HS3ST1: variants seen among roughly 807,000 people sequenced by gnomAD.
HS3ST1 encodes heparan sulfate-glucosamine 3-sulfotransferase 1, also known as heparan sulfate glucosamine 3-O-sulfotransferase 1.
In HS3ST1, 8 loss-of-function variants were observed where a neutral mutation model predicts 20.7. That is an observed-to-expected ratio of 0.39 (90% confidence interval 0.23 to 0.70). The LOEUF is 0.70. HS3ST1 is among the 30% of genes least tolerant of loss of function. The pLI is 0.46. For missense variants in HS3ST1, 436 were observed against 423.4 expected (o/e 1.03, Z -0.26); for synonymous variants, 205 against 190.4 (o/e 1.08, Z -0.63).
At chr4:11,400,697 C>T (rs1718299415) in intron 1 of HS3ST1, among the ~76,000 whole-genome samples, 1 of 152,226 alleles carries the variant, frequency 6.6e-6, no homozygotes, top group South Asian at 2.1e-4. Flanking sequence ...ACTCTTCCAG[C>T]CAGGGGCTCC....
At chr4:11,422,437 G>T (rs934984539) in intron 1 of HS3ST1, among the ~76,000 whole-genome samples, 1 of 152,160 alleles carries the variant, frequency 6.6e-6, no homozygotes, top group Non-Finnish European at 1.5e-5. Flanking sequence ...GGTGACTCCA[G>T]ATAAACATAC....
intron 1 of HS3ST1, among the ~76,000 whole-genome samples, chr4:11,409,060 A>T (rs1718545027): frequency 6.6e-6 from 1 of 152,216 alleles, no homozygotes. Flanking sequence ...TTTTGCAGAT[A>T]GACAAACTGA....
chr4:11,409,854 C>T (rs1157211135), intron 1 of HS3ST1, among the ~76,000 whole-genome samples: 1 of 152,116 alleles, frequency 6.6e-6, no homozygotes, highest in Non-Finnish European at 1.5e-5. Flanking sequence ...GAGACGGTGG[C>T]AATCAGCTGT....
chr4:11,411,145 A>C (rs1228502065), intron 1 of HS3ST1, among the ~76,000 whole-genome samples: 1 of 152,182 alleles, frequency 6.6e-6, no homozygotes, highest in Non-Finnish European at 1.5e-5. Flanking sequence ...CATTTAAGAG[A>C]GTGCTTAGTA....
In HS3ST1 at chr4:11,399,654, C is replaced by T; in HGVS notation, c.352G>A (p.Glu118Lys). 2 of 1,613,962 alleles carry T rather than the reference C, an allele frequency of 1.2e-6. No individual in the cohort carries two copies. The highest frequency in any genetic ancestry group is 1.7e-6 in the Non-Finnish European group (2 of 1,180,038). ...PFSWPHQLTVEKTPAYFTSPK... is the reference protein window; with the variant it reads ...PFSWPHQLTVKKTPAYFTSPK... ...GACGTGAAATACGCGGGGGTCTTCT[C>T]CACTGTGAGCTGGTGTGGCCAGGAG... The change falls in exon 2 of 2, where the codon GAG (glutamate) becomes AAG (lysine). Residue 118 changes from glutamate to lysine, a missense_variant. Physicochemically the swap from Glu to Lys is moderately conservative, Grantham distance 56 (BLOSUM62 1). Transcript: ENST00000002596. The surrounding 1 kb of genome is among the most constrained non-coding windows in gnomAD (Gnocchi z 5.1).
intron 1 of HS3ST1, among the ~76,000 whole-genome samples, chr4:11,400,884 A>C (rs4305508): frequency 0.95 from 145,446 of 152,332 alleles, 69,474 homozygotes; most frequent in Admixed American, 0.97. Context: ...CTCTTTCACT[A>C]TTGGCTTTGC....
chr4:11,425,184 A>G (rs980560830), intron 1 of HS3ST1, among the ~76,000 whole-genome samples: 1 of 152,204 alleles, frequency 6.6e-6, no homozygotes, highest in Non-Finnish European at 1.5e-5. Flanking sequence ...TCTAAGTGCC[A>G]GGCAGGCACT....
intron 1 of HS3ST1, among the ~76,000 whole-genome samples, chr4:11,408,621 T>C (rs1349001029): frequency 6.6e-6 from 1 of 152,208 alleles, no homozygotes; most frequent in Non-Finnish European, 1.5e-5. Context: ...TCAACATGTT[T>C]AATCTGCATT....
chr4:11,407,610 A>G (rs1451942405), intron 1 of HS3ST1, among the ~76,000 whole-genome samples: 2 of 152,150 alleles, frequency 1.3e-5, no homozygotes, highest in African/African-American at 2.4e-5. Context: ...AACCCACACA[A>G]CATTATTGTC....
rs762292381 is a variant in HS3ST1 at position 11,399,596 on chromosome 4, T to A, written c.410A>T (p.Asn137Ile). ...PKVPERVYSM[N>I]PSIRLLLILR... ...GATGAGCAGCAGCCGGATGGACGGG[T>A]TCATGCTGTAGACTCGCTCAGGCAC... Residue 137 changes from asparagine (N) to isoleucine (I), a missense_variant, in exon 2 of 2, where the codon AAC (asparagine) becomes ATC (isoleucine). By Grantham distance (149) the Asn-to-Ile change is moderately radical. Transcript: ENST00000002596. This position sits in a 1 kb window ranked among gnomAD's most constrained non-coding sequence, Gnocchi z 5.1. 2 of 1,613,768 alleles carry A rather than the reference T, an allele frequency of 1.2e-6. No homozygotes were observed. The highest frequency in any genetic ancestry group is 1.7e-6 in the Non-Finnish European group (2 of 1,180,020).
At chr4:11,419,153 C>T (rs1444890508) in intron 1 of HS3ST1, among the ~76,000 whole-genome samples, 1 of 151,766 alleles carries the variant, frequency 6.6e-6, no homozygotes, top group East Asian at 1.9e-4. Flanking sequence ...CTCTTCCCTT[C>T]TCTCTCCCTC....
intron 1 of HS3ST1, among the ~76,000 whole-genome samples, chr4:11,407,250 A>T (rs1330125195): frequency 1.3e-5 from 2 of 152,164 alleles, no homozygotes; most frequent in African/African-American, 4.8e-5. Context: ...TAATGTTAAT[A>T]AGCTTCCTTG....
Position 11,398,736 on chromosome 4 carries a change from CACAG to C in HS3ST1, c.*342_*345del, listed in dbSNP as rs1005807790. The C allele has an allele frequency of 3.4e-5, 6 of 176,662 alleles. No homozygotes were observed. The highest frequency in any genetic ancestry group is 5.8e-5 in the Non-Finnish European group (5 of 85,782). The allele number at this position is 176,662 out of a possible 1,614,324, so 10.9% of individuals were successfully genotyped here. A position where few individuals can be genotyped will look rare whatever the true frequency, so the allele number is the denominator to read the frequency against. On this transcript the variant is annotated 3_prime_UTR_variant, in exon 2 of 2. Transcript: ENST00000002596. ...AATTTAGATTTTGCAATGATTGCAA[CACAG>C]ACAGCTATTTTGAGTTGGGGGCAAG...
chr4:11,407,817 A>C (rs1222349378), intron 1 of HS3ST1, among the ~76,000 whole-genome samples: 1 of 152,272 alleles, frequency 6.6e-6, no homozygotes, highest in Non-Finnish European at 1.5e-5. Flanking sequence ...AGGCCTGAGC[A>C]GAGGCCTGGG....
rs528808682 is a variant in HS3ST1 at position 11,393,551 on chromosome 4, T to A, written c.*5531A>T. 1 of 152,334 alleles carries A rather than the reference T, an allele frequency of 6.6e-6. No individual in the cohort carries two copies. Among genetic ancestry groups the A allele is most frequent in the African/African-American group, 2.4e-5 (1 of 41,576 alleles). 9.4% of individuals were successfully genotyped at this position (152,334 alleles called of 1,614,324 possible). The stretch of plus-strand genomic sequence containing the variant: ...AAAGTCTGAGGGGGGATTCCTGTTT[T>A]CTTGGGAAACACATTTACTGAGAAT... On this transcript the variant is annotated 3_prime_UTR_variant, in exon 2 of 2. Coordinates refer to ENST00000002596, the MANE Select transcript of HS3ST1 (RefSeq NM_005114.4).
At chr4:11,411,947 T>C (rs113115388) in intron 1 of HS3ST1, among the ~76,000 whole-genome samples, 6 of 152,124 alleles carry the variant, frequency 3.9e-5, no homozygotes, top group African/African-American at 1.2e-4. Context: ...ATCTGAAATA[T>C]GGGGATGGTA....
At chr4:11,432,920 TC>T (rs930330737), upstream of HS3ST1, among the ~76,000 whole-genome samples, 3 of 152,182 alleles carry the variant, frequency 2.0e-5, no homozygotes, top group Non-Finnish European at 4.4e-5. Flanking sequence ...GTAACAACAA[TC>T]CATCCATCTA....
At chr4:11,416,059 TGA>T (rs1399392032) in intron 1 of HS3ST1, among the ~76,000 whole-genome samples, 2 of 152,134 alleles carry the variant, frequency 1.3e-5, no homozygotes, top group Non-Finnish European at 2.9e-5. Context: ...AGAACTCCCA[TGA>T]GAGAGTTCAG....
Position 11,427,836 on chromosome 4 carries a change from C to T in HS3ST1, c.-109+863G>A, listed in dbSNP as rs1265638692. 3.4e-4 allele frequency among the ~76,000 whole-genome samples: 52 copies of T among 152,252 alleles called. 1 individual carries two copies. Among genetic ancestry groups the T allele is most frequent in the Non-Finnish European group, 1.3e-4 (9 of 68,044 alleles). On this transcript the variant is annotated intron_variant, in intron 1 of 1. Transcript: ENST00000002596. ...GCTCCAGCTTCTTCTTCCCATCATCCGCCTACGTTCTGGGTCTGTCCTCCG... is the reference window on the plus strand; with the variant it reads ...GCTCCAGCTTCTTCTTCCCATCATCTGCCTACGTTCTGGGTCTGTCCTCCG...
Sources: gnomAD v4.1 joint callset for allele counts (sites outside exome capture counted in the v4.1 genomes callset) on GRCh38, gnomAD v4.1.1 for gene constraint, Gnocchi (gnomAD v3.1) non-coding constraint, MANE v1.5 for transcripts, NCBI Gene and HGNC (gene_info 2026-07-23, HGNC 2026-07-21) for gene names.